Variants in PRR16 observed in about 807,000 individuals in gnomAD.
The protein encoded by PRR16 is proline rich 16.
A neutral mutation model predicts 18.2 loss-of-function variants in PRR16; 6 were observed. The observed-to-expected ratio is 0.33, with a 90% CI of 0.18 to 0.65. The LOEUF (loss-of-function observed/expected upper bound fraction) is 0.65. Ranked by LOEUF, PRR16 falls within the 30% of genes least tolerant of loss-of-function variation. The pLI is 0.74. For synonymous variants in PRR16, 151 were observed against 147.8 expected (o/e 1.02, Z -0.16); for missense variants, 412 against 376.6 (o/e 1.09, Z -0.78).
intron 1 of PRR16, among the ~76,000 whole-genome samples, chr5:120,642,404 C>A (rs929368334): frequency 6.6e-6 from 1 of 151,818 alleles, no homozygotes; most frequent in African/African-American, 2.4e-5. Flanking sequence ...AGATGGTGGT[C>A]TCAGGTTTTT....
intron 1 of PRR16, among the ~76,000 whole-genome samples, chr5:120,518,630 A>C (rs1751074542): frequency 6.6e-6 from 1 of 151,904 alleles, no homozygotes; most frequent in Non-Finnish European, 1.5e-5. Context: ...TGTAGTAATA[A>C]ATTTTTTCCT....
chr5:120,480,434 A>G (rs1041397998), intron 1 of PRR16, among the ~76,000 whole-genome samples: 6 of 152,110 alleles, frequency 3.9e-5, no homozygotes, highest in African/African-American at 1.4e-4. Flanking sequence ...TCTTTTTTGC[A>G]GGGAGGGGGA....
the PRR16 span, among the ~76,000 whole-genome samples, chr5:120,738,523 T>C: frequency 1.3e-5 from 2 of 152,180 alleles, no homozygotes; most frequent in Non-Finnish European, 2.9e-5. Flanking sequence ...ATAACTTTAA[T>C]AACATCATCA....
At position 120,491,554 on chromosome 5, in the gene PRR16, T is replaced by G. The variant is rs559841717; in HGVS notation, c.159+26909T>G. ...TTTTCTCTCTTTCTCTCTTTTTCTC[T>G]TCCTTACATGATGGAGTCTTGCCCT... On this transcript the variant is annotated intron_variant, in intron 1 of 1. Transcript: ENST00000407149. Among the ~76,000 whole-genome samples, 15 of 151,908 alleles carry G rather than the reference T, an allele frequency of 9.9e-5. No homozygotes were observed. In the South Asian group the frequency reaches 2.9e-3, roughly 30 times the overall value.
the PRR16 span, among the ~76,000 whole-genome samples, chr5:120,767,712 C>A: frequency 6.6e-6 from 1 of 151,682 alleles, no homozygotes; most frequent in Non-Finnish European, 1.5e-5. Flanking sequence ...AAGAAATTGC[C>A]TATTAAAAAG....
At chr5:120,747,349 G>A in the PRR16 span, among the ~76,000 whole-genome samples, 1 of 152,118 alleles carries the variant, frequency 6.6e-6, no homozygotes, top group Non-Finnish European at 1.5e-5. Flanking sequence ...AATTTGATAT[G>A]TAAATTAAGC....
Position 120,479,083 on chromosome 5 carries a change from C to T in PRR16, c.159+14438C>T, listed in dbSNP as rs567329418. Among the ~76,000 whole-genome samples, 8 of 151,866 alleles carry T rather than the reference C, an allele frequency of 5.3e-5. No homozygotes were observed. In the East Asian group the frequency reaches 1.4e-3, roughly 26 times the overall value. On this transcript the variant is annotated intron_variant, in intron 1 of 1. Coordinates refer to ENST00000407149, the MANE Select transcript of PRR16 (RefSeq NM_001300783.2). ...TCTTTTATATACTTCCTCTAGTGTT[C>T]AAAAATATGGGTACTTATAATCAGC...
chr5:120,520,889 T>C (rs1255917195), intron 1 of PRR16, among the ~76,000 whole-genome samples: 1 of 152,040 alleles, frequency 6.6e-6, no homozygotes, highest in Non-Finnish European at 1.5e-5. Context: ...ATTTTGAATT[T>C]GGGAAACATT....
intron 1 of PRR16, among the ~76,000 whole-genome samples, chr5:120,641,197 T>C (rs972261907): frequency 6.6e-6 from 1 of 152,114 alleles, no homozygotes; most frequent in Non-Finnish European, 1.5e-5. Context: ...AAAAATTATT[T>C]TTCTTACTTT....
chr5:120,555,851 A>G (rs964454123), intron 1 of PRR16, among the ~76,000 whole-genome samples: 5 of 147,226 alleles, frequency 3.4e-5, no homozygotes, highest in Non-Finnish European at 1.5e-5. Context: ...AAAATTTCCC[A>G]TAAGGCACAG....
the PRR16 span, among the ~76,000 whole-genome samples, chr5:120,698,292 A>T: frequency 6.6e-6 from 1 of 152,162 alleles, no homozygotes; most frequent in Non-Finnish European, 1.5e-5. Context: ...GATGGCCTGG[A>T]TACAGTTTTG....
chr5:120,592,936 A>G (rs932571131), intron 1 of PRR16, among the ~76,000 whole-genome samples: 1 of 152,092 alleles, frequency 6.6e-6, no homozygotes, highest in African/African-American at 2.4e-5. Flanking sequence ...AATTTACTGC[A>G]TTTGCAATTT....
At chr5:120,702,599 C>T in the PRR16 span, among the ~76,000 whole-genome samples, 39 of 152,202 alleles carry the variant, frequency 2.6e-4, 1 homozygote, top group South Asian at 5.4e-3. Flanking sequence ...GAGAGGTGTC[C>T]GTGAAATGAT....
the PRR16 span, among the ~76,000 whole-genome samples, chr5:120,769,254 A>G: frequency 6.6e-6 from 1 of 151,826 alleles, no homozygotes; most frequent in Non-Finnish European, 1.5e-5. Context: ...AATTTGGTAA[A>G]TGTGGACATA....
At chr5:120,650,478 CT>C (rs1412097454) in intron 1 of PRR16, among the ~76,000 whole-genome samples, 2 of 137,730 alleles carry the variant, frequency 1.5e-5, no homozygotes, top group Admixed American at 1.5e-4. Flanking sequence ...TCCCTCCCCC[CT>C]CCCCCCACTC....
intron 1 of PRR16, among the ~76,000 whole-genome samples, chr5:120,668,526 GT>G (rs1362302633): frequency 1.3e-5 from 2 of 152,114 alleles, no homozygotes; most frequent in Non-Finnish European, 1.5e-5. Context: ...TTGCTCGTTA[GT>G]TGATGGAGTT....
intron 1 of PRR16, among the ~76,000 whole-genome samples, chr5:120,488,467 TTG>T (rs1425464544): frequency 6.6e-6 from 1 of 152,206 alleles, no homozygotes; most frequent in Non-Finnish European, 1.5e-5. Flanking sequence ...TGACGGTAGT[TTG>T]TATTTCTGTG....
chr5:120,597,269 A>G (rs1199675988), intron 1 of PRR16, among the ~76,000 whole-genome samples: 1 of 151,566 alleles, frequency 6.6e-6, no homozygotes, highest in Non-Finnish European at 1.5e-5. Context: ...TTAATATTAT[A>G]TCTTATAATT....
At chr5:120,618,973 C>T (rs62376455) in intron 1 of PRR16, among the ~76,000 whole-genome samples, 1 of 151,680 alleles carries the variant, frequency 6.6e-6, no homozygotes, top group Admixed American at 6.6e-5. Flanking sequence ...AAAGTCAGAA[C>T]AAAAAGTGCT....
Sources: gnomAD v4.1 joint callset for allele counts (sites outside exome capture counted in the v4.1 genomes callset) on GRCh38, gnomAD v4.1.1 for gene constraint, MANE v1.5 for transcripts, NCBI Gene and HGNC (gene_info 2026-07-23, HGNC 2026-07-21) for gene names.